Variants in PPFIA2 observed in about 807,000 individuals in gnomAD.
The protein encoded by PPFIA2 is liprin-alpha-2.
PPFIA2 carries 46 observed loss-of-function variants against 175.5 expected under a neutral mutation model. That is an observed-to-expected ratio of 0.26 (90% CI 0.21 to 0.34). PPFIA2 has a LOEUF of 0.34. Among genes scored for constraint, PPFIA2 ranks in the 10% least tolerant of loss-of-function variants. The probability of loss-of-function intolerance (pLI) is 1.00; values close to 1 mark genes in which losing one functional copy is unlikely to be tolerated. For missense variants in PPFIA2, 1,179 were observed against 1,506.1 expected (o/e 0.78, Z 3.60); for synonymous variants, 568 against 511.4 (o/e 1.11, Z -1.49).
chr12:81,373,793 G>C (rs2035742491), intron 11 of PPFIA2, among the ~76,000 whole-genome samples: 1 of 151,960 alleles, frequency 6.6e-6, no homozygotes, highest in Non-Finnish European at 1.5e-5. Context: ...TTTTAAACTT[G>C]AAGTCCAGAT....
intron 4 of PPFIA2, among the ~76,000 whole-genome samples, chr12:81,508,114 A>G (rs1443222828): frequency 6.6e-6 from 1 of 152,208 alleles, no homozygotes; most frequent in Non-Finnish European, 1.5e-5. Context: ...TATTATAGGT[A>G]CGCAATATAT....
chr12:81,553,126 G>C (rs999064273), intron 4 of PPFIA2, among the ~76,000 whole-genome samples: 1 of 151,926 alleles, frequency 6.6e-6, no homozygotes, highest in Non-Finnish European at 1.5e-5. Context: ...AATCTCACGG[G>C]CTGAGAGGCC....
intron 4 of PPFIA2, among the ~76,000 whole-genome samples, chr12:81,495,804 G>C (rs1333777983): frequency 6.6e-6 from 1 of 152,178 alleles, no homozygotes; most frequent in Non-Finnish European, 1.5e-5. Context: ...AACACAGTAA[G>C]ATCCTGTTTC....
chr12:81,327,243 G>T (rs1445118375), intron 21 of PPFIA2, among the ~76,000 whole-genome samples: 1 of 152,026 alleles, frequency 6.6e-6, no homozygotes, highest in Non-Finnish European at 1.5e-5. Flanking sequence ...GAGATGTGGA[G>T]TTTGAGGGCC....
At chr12:81,300,596 G>C (rs2047573292) in intron 22 of PPFIA2, among the ~76,000 whole-genome samples, 1 of 152,152 alleles carries the variant, frequency 6.6e-6, no homozygotes. Flanking sequence ...ATCAACTGCT[G>C]TTTCATTTGA....
intron 16 of PPFIA2, among the ~76,000 whole-genome samples, chr12:81,355,909 G>T (rs1595466233): frequency 1.3e-5 from 2 of 152,306 alleles, no homozygotes; most frequent in African/African-American, 4.8e-5. Context: ...CTCCATAGCA[G>T]CAGTAAGGCT....
Position 81,268,009 on chromosome 12 carries a change from A to T in PPFIA2, c.3389T>A (p.Leu1130His), listed in dbSNP as rs1565812376. The change falls in exon 29 of 33, where the codon CTT (leucine) becomes CAT (histidine). Residue 1130 changes from leucine to histidine, a missense_variant. This residue lies in a region of PPFIA2 where 245 missense variants were observed against 375.1 expected (regional missense o/e 0.65). Transcript: ENST00000549396. ...AAGTGAGCCATGCACACCGCTCTCA[A>T]GTATATTATTTGCATATTCTCGAAG... ...IGLREYANNI[L>H]ESGVHGSLIA... The T allele has an allele frequency of 3.8e-6, 6 of 1,597,870 alleles. No individual in the cohort carries two copies. The highest frequency in any genetic ancestry group is 5.1e-6 in the Non-Finnish European group (6 of 1,171,112).
intron 9 of PPFIA2, among the ~76,000 whole-genome samples, chr12:81,377,078 AAG>A (rs2036538753): frequency 6.6e-6 from 1 of 152,156 alleles, no homozygotes; most frequent in African/African-American, 2.4e-5. Context: ...TGTTTAAATA[AAG>A]AGAGAAAATA....
At chr12:81,325,363 T>C (rs879257091) in intron 22 of PPFIA2, among the ~76,000 whole-genome samples, 1 of 152,132 alleles carries the variant, frequency 6.6e-6, no homozygotes, top group Admixed American at 6.6e-5. Flanking sequence ...TAAGTTTATA[T>C]TCAATCAGTC....
intron 22 of PPFIA2, among the ~76,000 whole-genome samples, chr12:81,303,891 G>A (rs922325172): frequency 3.9e-5 from 6 of 152,174 alleles, no homozygotes; most frequent in African/African-American, 7.2e-5. Context: ...TTAACCAGGC[G>A]GGTGCAACTC....
rs557079067 is a variant in PPFIA2, at chr12:81,705,083, TAAAAAAAAA to T, written c.250-28248_250-28240del. Reference sequence around the variant, plus strand: ...TGGGCAACAAGAGTGAAACTCTGTCTAAAAAAAAAAAAAAAAAAAAAAAAAAAAGAACCC... The same window carrying T: ...TGGGCAACAAGAGTGAAACTCTGTCTAAAAAAAAAAAAAAAAAAAGAACCC... On this transcript the variant is annotated intron_variant, in intron 3 of 32. Transcript: ENST00000549396. 2.6e-3 allele frequency among the ~76,000 whole-genome samples: 84 copies of T among 32,372 alleles called. 1 individual carries two copies. Among genetic ancestry groups the T allele is most frequent in the South Asian group, 0.011 (5 of 456 alleles). The allele number at this position is 32,372 out of a possible 152,430, so 21.2% of individuals were successfully genotyped here.
chr12:81,547,837 A>T (rs558704421), intron 4 of PPFIA2, among the ~76,000 whole-genome samples: 1 of 152,316 alleles, frequency 6.6e-6, no homozygotes, highest in South Asian at 2.1e-4. Context: ...ATGGACTAGA[A>T]CACTAATGTG....
chr12:81,368,185 T>C (rs539726589), intron 13 of PPFIA2: 1 of 1,280,180 alleles, frequency 7.8e-7, no homozygotes, highest in Admixed American at 2.3e-5. Flanking sequence ...GAGACATATA[T>C]AACTGTAAAT....
chr12:81,435,828 A>G (rs2048885648), intron 7 of PPFIA2, among the ~76,000 whole-genome samples: 1 of 152,194 alleles, frequency 6.6e-6, no homozygotes, highest in South Asian at 2.1e-4. Flanking sequence ...ATAAGATTTT[A>G]TATCTAAACT....
Position 81,439,994 on chromosome 12 carries a change from T to A in PPFIA2, c.623A>T (p.Glu208Val). 3 of 1,606,500 alleles carry A rather than the reference T, an allele frequency of 1.9e-6. No individual in the cohort carries two copies. The highest frequency in any genetic ancestry group is 2.5e-6 in the Non-Finnish European group (3 of 1,177,268). ...TACCTCCTGATTAGCAGCAGCTAGT[T>A]CTTCTTCCAGTGCAGAGACTCTTTC... The part of the protein sequence containing the change: ...SLERVSALEE[E>V]LAAANQEIVA... Residue 208 changes from glutamate (E) to valine (V), a missense_variant, in exon 7 of 33, where the codon GAA becomes GTA. Physicochemically the swap from Glu to Val is moderately radical, Grantham distance 121. Around this residue, in one of 10 missense-constraint regions of PPFIA2, gnomAD observed 49 missense variants for 108.9 expected, o/e 0.45. Coordinates refer to ENST00000549396, the MANE Select transcript of PPFIA2 (RefSeq NM_003625.5).
At chr12:81,697,831 C>A (rs1567906092) in intron 3 of PPFIA2, among the ~76,000 whole-genome samples, 1 of 151,988 alleles carries the variant, frequency 6.6e-6, no homozygotes, top group Non-Finnish European at 1.5e-5. Context: ...AGTTGAATGC[C>A]TAGATGAATA....
intron 24 of PPFIA2, among the ~76,000 whole-genome samples, chr12:81,285,342 G>T (rs1042917248): frequency 6.6e-6 from 1 of 151,930 alleles, no homozygotes; most frequent in African/African-American, 2.4e-5. Context: ...TAAAGAATTG[G>T]TGTAGCAAAG....
At chr12:81,592,429 A>T in intron 4 of PPFIA2, among the ~76,000 whole-genome samples, 1 of 151,720 alleles carries the variant, frequency 6.6e-6, no homozygotes, top group Non-Finnish European at 1.5e-5. Context: ...ATGGAAAAAT[A>T]TGGTTTGATT....
At chr12:81,479,860 T>C (rs1488029262) in intron 4 of PPFIA2, among the ~76,000 whole-genome samples, 1 of 152,170 alleles carries the variant, frequency 6.6e-6, no homozygotes, top group Non-Finnish European at 1.5e-5. Flanking sequence ...ATTTCAACCT[T>C]GGTGAATCTG....
Sources: allele counts gnomAD v4.1 joint callset (sites outside exome capture counted in the v4.1 genomes callset), GRCh38; gene constraint gnomAD v4.1.1; regional missense constraint gnomAD v4.1.1; transcripts MANE v1.5; gene names NCBI Gene and HGNC (gene_info 2026-07-23, HGNC 2026-07-21).